The following DENND5A variants were observed in gnomAD, a reference collection of about 807,000 sequenced individuals.
DENND5A encodes the protein DENN domain containing 5A.
Under a neutral mutation model 140.3 loss-of-function variants are expected in DENND5A, and 64 were observed. The ratio of observed to expected loss-of-function variants is 0.46; its 90% CI spans 0.37 to 0.56. The LOEUF is 0.56. Among genes scored for constraint, DENND5A ranks in the 20% least tolerant of loss-of-function variants. The probability of loss-of-function intolerance (pLI) is 0.00; values close to 1 mark genes in which losing one functional copy is unlikely to be tolerated. For missense variants in DENND5A, 1,292 were observed against 1,593.8 expected (o/e 0.81, Z 3.22); for synonymous variants, 605 against 607.7 (o/e 1.00, Z 0.07).
chr11:9,193,074 A>G (rs78220891), intron 5 of DENND5A, among the ~76,000 whole-genome samples: 9,028 of 151,970 alleles, frequency 0.059, 372 homozygotes, highest in South Asian at 0.1. Context: ...GACATAAAAA[A>G]ACAATTAGCT....
At chr11:9,194,614 T>C (rs1415314190) in intron 4 of DENND5A, among the ~76,000 whole-genome samples, 5 of 151,822 alleles carry the variant, frequency 3.3e-5, no homozygotes, top group South Asian at 2.1e-4. Flanking sequence ...ACTCAGAGGA[T>C]TGACTTTAGC....
rs770107497 is a variant in DENND5A, at chr11:9,150,150, C to T, written c.2666G>A (p.Arg889Gln). ...TDVGKARAWV[R>Q]LSMEKKLLSR... Reference sequence around the variant, plus strand: ...AAGTAACTTTTTTTCCATGGACAGTCGCACCCATGCTCTGGCCTTTCCCAC... The same window carrying T: ...AAGTAACTTTTTTTCCATGGACAGTTGCACCCATGCTCTGGCCTTTCCCAC... Residue 889 changes from arginine (R) to glutamine (Q), a missense_variant, in exon 15 of 23, where the codon CGA becomes CAA. Arg to Gln is a conservative substitution (Grantham distance 43). This residue lies in a region of DENND5A where 498 missense variants were observed against 689.7 expected (regional missense o/e 0.72). Coordinates refer to ENST00000328194, the MANE Select transcript of DENND5A (RefSeq NM_015213.4). 4 of 1,613,984 alleles carry T rather than the reference C, an allele frequency of 2.5e-6. No homozygotes were observed. The highest frequency in any genetic ancestry group is 1.1e-5 in the South Asian group (1 of 91,054).
At position 9,141,831 on chromosome 11, in the gene DENND5A, C is replaced by G. The variant is rs549038756; in HGVS notation, c.3680+109G>C. 2.8e-6 allele frequency: 3 copies of G among 1,053,448 alleles called. No individual in the cohort carries two copies. In the South Asian group the frequency reaches 7.5e-5, roughly 26 times the overall value. 65.3% of individuals were successfully genotyped at this position (1,053,448 alleles called of 1,614,324 possible). A position where few individuals can be genotyped will look rare whatever the true frequency, so the allele number is the denominator to read the frequency against. On this transcript the variant is annotated intron_variant, in intron 22 of 22. Transcript: ENST00000328194. The stretch of plus-strand genomic sequence containing the variant: ...TCTAGGAAACCTTCTAAGGCCTCAT[C>G]TCCCTAAGGGCACCTGATGAGCCAT...
intron 1 of DENND5A, among the ~76,000 whole-genome samples, chr11:9,262,110 A>C (rs1403873931): frequency 6.6e-6 from 1 of 152,230 alleles, no homozygotes; most frequent in Non-Finnish European, 1.5e-5. Context: ...GAAATGTTGA[A>C]AGACAGTTTT....
intron 1 of DENND5A, among the ~76,000 whole-genome samples, chr11:9,248,392 C>A (rs1223440204): frequency 6.6e-6 from 1 of 151,906 alleles, no homozygotes. Context: ...TCATTATACC[C>A]CTCTCCAAAA....
chr11:9,243,099 A>C (rs1411934197), intron 1 of DENND5A, among the ~76,000 whole-genome samples: 2 of 138,010 alleles, frequency 1.4e-5, no homozygotes, highest in Admixed American at 7.0e-5. Context: ...AAAAAAAAAA[A>C]AAAAACAAAA....
chr11:9,160,385 C>T (rs1048631280), intron 12 of DENND5A, among the ~76,000 whole-genome samples: 55 of 152,176 alleles, frequency 3.6e-4, no homozygotes, highest in African/African-American at 1.3e-3. Flanking sequence ...ATGACTGGTA[C>T]TTCCTGAGCT....
chr11:9,265,103 A>G lies in DENND5A; in HGVS notation c.-34T>C, dbSNP rs1852388475. The stretch of plus-strand genomic sequence containing the variant: ...GGCCGAGACCGGCCGGGCAGTGCGG[A>G]GCGGCACCGAGCCCCCGCAACCCGG... On this transcript the variant is annotated 5_prime_UTR_variant, in exon 1 of 23. Coordinates refer to ENST00000328194, the MANE Select transcript of DENND5A (RefSeq NM_015213.4). The surrounding 1 kb of genome is among the most constrained non-coding windows in gnomAD (Gnocchi z 4.7). The G allele has an allele frequency of 2.5e-6, 3 of 1,220,416 alleles. No homozygotes were observed. The highest frequency in any genetic ancestry group is 3.3e-5 in the African/African-American group (2 of 60,782). 75.6% of individuals were successfully genotyped at this position (1,220,416 alleles called of 1,614,324 possible). A position where few individuals can be genotyped will look rare whatever the true frequency, so the allele number is the denominator to read the frequency against.
At chr11:9,172,741 G>C (rs1428272415) in intron 8 of DENND5A, among the ~76,000 whole-genome samples, 1 of 152,148 alleles carries the variant, frequency 6.6e-6, no homozygotes, top group Non-Finnish European at 1.5e-5. Flanking sequence ...AAATTACCCA[G>C]TCTTGGGTAT....
intron 1 of DENND5A, among the ~76,000 whole-genome samples, chr11:9,221,242 C>A (rs1435882740): frequency 6.7e-6 from 1 of 149,746 alleles, no homozygotes; most frequent in Non-Finnish European, 1.5e-5. Context: ...ACCAGCCTGG[C>A]CAACATGGTG....
intron 1 of DENND5A, among the ~76,000 whole-genome samples, chr11:9,264,759 T>A (rs1157469598): frequency 1.3e-5 from 2 of 152,106 alleles, no homozygotes; most frequent in African/African-American, 4.8e-5. Flanking sequence ...CAGCGGGCCG[T>A]AGGTTTGGAC....
At chr11:9,194,006 G>A (rs557367804) in intron 4 of DENND5A, among the ~76,000 whole-genome samples, 1 of 152,212 alleles carries the variant, frequency 6.6e-6, no homozygotes, top group African/African-American at 2.4e-5. Context: ...TCTTAAGAAA[G>A]GGGGTAGGAG....
intron 2 of DENND5A, chr11:9,207,161 A>G (rs1396670141): frequency 2.2e-6 from 1 of 458,446 alleles, no homozygotes; most frequent in South Asian, 1.9e-5. Flanking sequence ...ACATCACAGA[A>G]GCATATTTTA....
At chr11:9,177,075 C>A (rs541556478) in intron 8 of DENND5A, among the ~76,000 whole-genome samples, 1 of 151,710 alleles carries the variant, frequency 6.6e-6, no homozygotes, top group South Asian at 2.1e-4. Flanking sequence ...GGCAACATGG[C>A]GAGACTCTGT....
chr11:9,147,198 A>G (rs1255125433), intron 15 of DENND5A, 47 bp from the exon 16 acceptor site: 1 of 1,601,168 alleles, frequency 6.2e-7, no homozygotes, highest in Admixed American at 1.7e-5. Context: ...AAAGGAAGGG[A>G]AAGAAACTAG....
chr11:9,235,167 A>T (rs1000599980), intron 1 of DENND5A, among the ~76,000 whole-genome samples: 58 of 152,302 alleles, frequency 3.8e-4, no homozygotes, highest in African/African-American at 1.3e-3. Flanking sequence ...TCAGACAGAA[A>T]CTTGTACATG....
intron 1 of DENND5A, among the ~76,000 whole-genome samples, chr11:9,214,491 C>A (rs972841651): frequency 1.3e-5 from 2 of 152,188 alleles, no homozygotes; most frequent in Non-Finnish European, 2.9e-5. Context: ...ATAAGGACTG[C>A]AGAGCTTTGG....
chr11:9,204,758 G>A (rs567398629), intron 3 of DENND5A, among the ~76,000 whole-genome samples: 6 of 152,306 alleles, frequency 3.9e-5, no homozygotes, highest in African/African-American at 1.2e-4. Context: ...AGCCACTGGG[G>A]AGGCCGAGGC....
At chr11:9,156,870 T>TGGATGGAAGGAAGGAAGGAAGGAA (rs1847821326) in intron 12 of DENND5A, among the ~76,000 whole-genome samples, 1 of 142,542 alleles carries the variant, frequency 7.0e-6, no homozygotes, top group African/African-American at 2.6e-5. Context: ...GAAGGATGGA[T>TGGATGGAAGGAAGGAAGGAAGGAA]GGAAGGAAGG....
Sources: allele counts gnomAD v4.1 joint callset (sites outside exome capture counted in the v4.1 genomes callset), GRCh38; gene constraint gnomAD v4.1.1; regional missense constraint gnomAD v4.1.1; non-coding constraint Gnocchi (gnomAD v3.1); transcripts MANE v1.5; gene names NCBI Gene and HGNC (gene_info 2026-07-23, HGNC 2026-07-21).